COG5: variants seen among roughly 807,000 people sequenced by gnomAD.
COG5 encodes the protein conserved oligomeric Golgi complex subunit 5.
A neutral mutation model predicts 110.4 loss-of-function variants in COG5; 86 were observed. That is an observed-to-expected ratio of 0.78 (90% CI 0.65 to 0.93). The LOEUF is 0.93. COG5 is among the 40% of genes least tolerant of loss of function. COG5 has a pLI of 0.00. For synonymous variants in COG5, 360 were observed against 334.6 expected, an observed-to-expected ratio of 1.08 and a Z score of -0.83; for missense variants, 1,077 against 987.0, an observed-to-expected ratio of 1.09 and a Z score of -1.22.
chr7:107,289,186 T>C (rs1584627041), intron 12 of COG5, among the ~76,000 whole-genome samples: 1 of 151,848 alleles, frequency 6.6e-6, no homozygotes. Context: ...TTTGAGTTAA[T>C]TTTTGTATAT....
chr7:107,452,679 C>G (rs1425049018), intron 6 of COG5, among the ~76,000 whole-genome samples: 1 of 152,148 alleles, frequency 6.6e-6, no homozygotes, highest in Non-Finnish European at 1.5e-5. Context: ...GCCTCCCCAG[C>G]CATGTGAAAC....
At chr7:107,562,499 A>G (rs1367473084) in intron 1 of COG5, among the ~76,000 whole-genome samples, 1 of 152,154 alleles carries the variant, frequency 6.6e-6, no homozygotes, top group Non-Finnish European at 1.5e-5. Context: ...TTACATCACT[A>G]TATTACAGCA....
At chr7:107,285,443 A>G (rs1805549984) in intron 12 of COG5, among the ~76,000 whole-genome samples, 1 of 152,218 alleles carries the variant, frequency 6.6e-6, no homozygotes, top group African/African-American at 2.4e-5. Flanking sequence ...CTTGGTAACT[A>G]CAATGTCAAA....
At chr7:107,305,831 A>C (rs907030844) in intron 11 of COG5, among the ~76,000 whole-genome samples, 1 of 151,992 alleles carries the variant, frequency 6.6e-6, no homozygotes. Context: ...AAAGAAGGCA[A>C]TAGAGAGACC....
chr7:107,275,431 G>C (rs910011189), intron 14 of COG5, among the ~76,000 whole-genome samples: 1 of 151,766 alleles, frequency 6.6e-6, no homozygotes, highest in Non-Finnish European at 1.5e-5. Context: ...ACTCTTCCAA[G>C]TGATTTCATA....
chr7:107,402,073 T>TAAGAA (rs1791476109), intron 7 of COG5, among the ~76,000 whole-genome samples: 1 of 152,194 alleles, frequency 6.6e-6, no homozygotes, highest in Non-Finnish European at 1.5e-5. Flanking sequence ...TACTGTATAC[T>TAAGAA]ATATAGATAT....
chr7:107,526,475 A>T (rs1408444651), intron 6 of COG5, among the ~76,000 whole-genome samples: 1 of 152,264 alleles, frequency 6.6e-6, no homozygotes, highest in African/African-American at 2.4e-5. Context: ...CTGAGAAAAG[A>T]ATGAACAAAG....
intron 12 of COG5, among the ~76,000 whole-genome samples, chr7:107,289,250 A>C (rs1309835616): frequency 1.3e-5 from 2 of 152,054 alleles, no homozygotes; most frequent in Non-Finnish European, 2.9e-5. Context: ...CTGTCCCAGC[A>C]CCATTTGTCT....
chr7:107,548,151 T>C lies in COG5; in HGVS notation c.377A>G (p.Asn126Ser), dbSNP rs765903125. The C allele has an allele frequency of 3.7e-6, 6 of 1,613,864 alleles. No homozygotes were observed. The highest frequency in any genetic ancestry group is 2.2e-5 in the South Asian group (2 of 91,082). ...TTGTGCAGTCCGGGCAACTATCTTATTGTATGGTTCAACAATTTTTGCTTT... is the reference window on the plus strand; with the variant it reads ...TTGTGCAGTCCGGGCAACTATCTTACTGTATGGTTCAACAATTTTTGCTTT... ...RIKAKIVEPY[N>S]KIVARTAQLA... The change falls in exon 5 of 22, where the codon AAT becomes AGT. Residue 126 changes from asparagine (N) to serine (S), a missense_variant. Asn to Ser is a conservative substitution (Grantham distance 46). Coordinates refer to ENST00000297135, the MANE Select transcript of COG5 (RefSeq NM_006348.5).
rs1258044468 is a variant in COG5, at chr7:107,217,404, G to A, written c.2169-6179C>T. On this transcript the variant is annotated intron_variant, in intron 19 of 21. Transcript: ENST00000297135. Reference sequence around the variant, plus strand: ...TTCCAAGCTAGTTTTAGGAGGCCCTGATACTAAAGCCACAAAATGACATAG... The same window carrying A: ...TTCCAAGCTAGTTTTAGGAGGCCCTAATACTAAAGCCACAAAATGACATAG... Among the ~76,000 whole-genome samples, 7 of 152,022 alleles carry A rather than the reference G, an allele frequency of 4.6e-5. No individual in the cohort carries two copies. In the East Asian group the frequency reaches 1.2e-3, roughly 25 times the overall value.
chr7:107,464,844 G>A (rs1011805885), intron 6 of COG5, among the ~76,000 whole-genome samples: 2 of 152,088 alleles, frequency 1.3e-5, no homozygotes, highest in African/African-American at 2.4e-5. Context: ...TGTATACTAC[G>A]GGTTTTTTCA....
chr7:107,214,201 CATA>C (rs1490723843), intron 19 of COG5, among the ~76,000 whole-genome samples: 1 of 152,012 alleles, frequency 6.6e-6, no homozygotes, highest in African/African-American at 2.4e-5. Context: ...CACCAAGACA[CATA>C]ATAAACTGTC....
At chr7:107,475,715 A>G (rs939276448) in intron 6 of COG5, 12 of 178,794 alleles carry the variant, frequency 6.7e-5, no homozygotes, top group Non-Finnish European at 1.6e-4. Context: ...TTTTTAAGTT[A>G]AAATGCATTG....
At chr7:107,245,708 C>G (rs35433753) in intron 17 of COG5, among the ~76,000 whole-genome samples, 481 of 152,224 alleles carry the variant, frequency 3.2e-3, no homozygotes, top group Non-Finnish European at 4.3e-3. Flanking sequence ...TCAAAGAAAT[C>G]AGAGAAGACA....
At chr7:107,407,199 T>C (rs1330286367) in intron 7 of COG5, among the ~76,000 whole-genome samples, 1 of 151,992 alleles carries the variant, frequency 6.6e-6, no homozygotes, top group Non-Finnish European at 1.5e-5. Context: ...CTGGCCAACA[T>C]GGCGAAACCC....
At chr7:107,337,048 T>C (rs1250317842) in intron 10 of COG5, among the ~76,000 whole-genome samples, 2 of 152,080 alleles carry the variant, frequency 1.3e-5, no homozygotes, top group Admixed American at 6.5e-5. Context: ...CATTAAAAAA[T>C]TGTCAACATC....
chr7:107,213,835 C>G (rs370218095), intron 19 of COG5, among the ~76,000 whole-genome samples: 2 of 152,220 alleles, frequency 1.3e-5, no homozygotes, highest in East Asian at 3.9e-4. Context: ...GCACAGACAT[C>G]AATACAAGGA....
intron 6 of COG5, among the ~76,000 whole-genome samples, chr7:107,482,553 T>C (rs1267350975): frequency 6.6e-6 from 1 of 152,050 alleles, no homozygotes; most frequent in East Asian, 1.9e-4. Flanking sequence ...ATTCAGGTAA[T>C]AAATGAAAAG....
chr7:107,545,945 T>G (rs1802402275), intron 5 of COG5, among the ~76,000 whole-genome samples: 1 of 152,106 alleles, frequency 6.6e-6, no homozygotes, highest in African/African-American at 2.4e-5. Flanking sequence ...ACATGGAACT[T>G]TTTTCAGGAT....
Sources: gnomAD v4.1 joint callset for allele counts (sites outside exome capture counted in the v4.1 genomes callset) on GRCh38, gnomAD v4.1.1 for gene constraint, MANE v1.5 for transcripts, NCBI Gene and HGNC (gene_info 2026-07-23, HGNC 2026-07-21) for gene names.